Variants in KIAA1217 observed in about 807,000 individuals in gnomAD.
KIAA1217 encodes the protein sickle tail protein homolog.
Under a neutral mutation model 163.9 loss-of-function variants are expected in KIAA1217, and 88 were observed. That is an observed-to-expected ratio of 0.54 (90% CI 0.45 to 0.64). The LOEUF (loss-of-function observed/expected upper bound fraction) is 0.64, where lower values mean the gene tolerates loss of function less well. Among genes scored for constraint, KIAA1217 ranks in the 30% least tolerant of loss-of-function variants. The pLI, the probability that KIAA1217 is intolerant of heterozygous loss-of-function variation, is 0.00. For missense variants in KIAA1217, 2,372 were observed against 2,475.0 expected (o/e 0.96, Z 0.88); for synonymous variants, 903 against 923.1 (o/e 0.98, Z 0.39).
chr10:24,238,778 C>T (rs917880777), intron 2 of KIAA1217, among the ~76,000 whole-genome samples: 2 of 152,154 alleles, frequency 1.3e-5, no homozygotes, highest in Admixed American at 6.5e-5. Context: ...GAGAGAGACA[C>T]GCATGGCCGC....
chr10:23,807,341 C>T (rs563870035), intron 1 of KIAA1217, among the ~76,000 whole-genome samples: 3 of 152,216 alleles, frequency 2.0e-5, no homozygotes, highest in Non-Finnish European at 4.4e-5. Context: ...TCACAGAAAT[C>T]ATTATAAATA....
At position 24,543,751 on chromosome 10, in the gene KIAA1217, A is replaced by G. The variant is rs573485906; in HGVS notation, c.4481A>G (p.Gln1494Arg). The change falls in exon 19 of 21, where the codon CAG becomes CGG. Residue 1494 changes from glutamine to arginine, a missense_variant. By Grantham distance (43) the Gln-to-Arg change is conservative. Coordinates refer to ENST00000376454, the MANE Select transcript of KIAA1217 (RefSeq NM_019590.5). ...EEEENGDSVV[Q>R]NNNTSQMSHK... ...GAGGAAAATGGGGATTCTGTAGTCC[A>G]GAATAATAACACTTCCCAGATGTCT... 1 of 1,613,634 alleles carries G rather than the reference A, an allele frequency of 6.2e-7. No homozygotes were observed. The highest frequency in any genetic ancestry group is 1.1e-5 in the South Asian group (1 of 91,024).
At chr10:24,198,913 G>A (rs2067117450) in intron 2 of KIAA1217, among the ~76,000 whole-genome samples, 1 of 152,090 alleles carries the variant, frequency 6.6e-6, no homozygotes, top group Non-Finnish European at 1.5e-5. Flanking sequence ...GCCTTAGGAG[G>A]CAATGTTCAG....
chr10:23,893,668 C>T (rs1841522538), intron 1 of KIAA1217, among the ~76,000 whole-genome samples: 1 of 151,854 alleles, frequency 6.6e-6, no homozygotes, highest in Admixed American at 6.6e-5. Flanking sequence ...TTTGAAAAGA[C>T]AGGCAGAGAC....
intron 1 of KIAA1217, among the ~76,000 whole-genome samples, chr10:23,854,326 G>A (rs978590446): frequency 2.6e-5 from 4 of 152,132 alleles, no homozygotes; most frequent in African/African-American, 9.7e-5. Flanking sequence ...GAGTGGTTTT[G>A]AGTGAGTTTC....
upstream of KIAA1217, chr10:24,209,136 T>G: frequency 6.4e-7 from 1 of 1,558,556 alleles, no homozygotes; most frequent in East Asian, 2.2e-5. Context: ...CTGGGAGCTT[T>G]TAGAACTGCG....
At chr10:24,079,021 T>C (rs1348446266) in intron 2 of KIAA1217, among the ~76,000 whole-genome samples, 1 of 152,220 alleles carries the variant, frequency 6.6e-6, no homozygotes, top group Non-Finnish European at 1.5e-5. Flanking sequence ...CGTCTTAGCA[T>C]GGCGAGGGAT....
intron 2 of KIAA1217, among the ~76,000 whole-genome samples, chr10:24,056,984 T>C (rs1170349880): frequency 6.6e-6 from 1 of 151,942 alleles, no homozygotes; most frequent in African/African-American, 2.4e-5. Context: ...AAATAGAAGG[T>C]ATACTTTAAA....
Position 24,527,953 on chromosome 10 carries a change from G to A in KIAA1217, c.2916G>A (p.Trp972Ter), listed in dbSNP as rs1454904013. 1 of 1,613,790 alleles carries A rather than the reference G, an allele frequency of 6.2e-7. No individual in the cohort carries two copies. Among genetic ancestry groups the A allele is most frequent in the Non-Finnish European group, 8.5e-7 (1 of 1,179,880 alleles). The stretch of plus-strand genomic sequence containing the variant: ...TCCTCCAGAAAGCAGAAAAGAAATG[G>A]GAGGAAAAAAGGCAAAATCTGGATC... The part of the protein sequence containing the change: ...AVSIEKAEKK[W>*]EEKRQNLDHY... Residue 972 changes from tryptophan to a stop codon, truncating the protein, a stop_gained, in exon 14 of 21, where the codon TGG becomes TGA. Coordinates refer to ENST00000376454, the MANE Select transcript of KIAA1217 (RefSeq NM_019590.5). LOFTEE classifies it high-confidence loss of function.
chr10:24,013,559 A>G (rs1847343291), intron 2 of KIAA1217, among the ~76,000 whole-genome samples: 1 of 152,120 alleles, frequency 6.6e-6, no homozygotes, highest in Non-Finnish European at 1.5e-5. Context: ...GAATAACAGA[A>G]TCAACTGCAT....
intron 1 of KIAA1217, among the ~76,000 whole-genome samples, chr10:23,732,788 C>G (rs775902394): frequency 4.8e-4 from 73 of 152,160 alleles, no homozygotes; most frequent in Non-Finnish European, 7.2e-4. Context: ...AAAGTTTTCT[C>G]TAAGCATTAC....
chr10:23,735,570 G>A (rs191772480), intron 1 of KIAA1217, among the ~76,000 whole-genome samples: 7 of 151,136 alleles, frequency 4.6e-5, no homozygotes, highest in African/African-American at 1.7e-4. Context: ...ATGTTTATTT[G>A]CCATTTTTGG....
chr10:24,318,137 C>G (rs1460400632), intron 2 of KIAA1217, among the ~76,000 whole-genome samples: 3 of 151,928 alleles, frequency 2.0e-5, no homozygotes, highest in Non-Finnish European at 4.4e-5. Flanking sequence ...CAGAACCTGT[C>G]TCTAAATAAT....
intron 2 of KIAA1217, among the ~76,000 whole-genome samples, chr10:24,095,160 G>A (rs990151972): frequency 6.6e-6 from 1 of 152,196 alleles, no homozygotes; most frequent in Non-Finnish European, 1.5e-5. Flanking sequence ...GACCAGGAAA[G>A]GGAACTCCCT....
intron 2 of KIAA1217, among the ~76,000 whole-genome samples, chr10:24,052,732 C>T (rs1250313717): frequency 1.3e-5 from 2 of 152,048 alleles, no homozygotes; most frequent in Admixed American, 6.6e-5. Context: ...TATGTGATTA[C>T]CTTTTTATTT....
chr10:24,371,385 T>C (rs1426881765), intron 2 of KIAA1217, among the ~76,000 whole-genome samples: 7 of 152,220 alleles, frequency 4.6e-5, no homozygotes, highest in African/African-American at 1.7e-4. Flanking sequence ...TCTGGGATCA[T>C]AGAAAATTGC....
At chr10:24,018,067 CTTCTTTCTGCTTTACAGAAGAAATACAAA>C in intron 2 of KIAA1217, among the ~76,000 whole-genome samples, 1 of 152,148 alleles carries the variant, frequency 6.6e-6, no homozygotes, top group South Asian at 2.1e-4. Context: ...AGTATCCCAG[CTTCTTTCTGCTTTACAGAAGAAATACAAA>C]TTCTTTCTGG....
chr10:24,360,561 C>T lies in KIAA1217; in HGVS notation c.355-20308C>T, dbSNP rs949905686. On this transcript the variant is annotated intron_variant, in intron 2 of 20. Transcript: ENST00000376454. Reference sequence around the variant, plus strand: ...TGGTTACATTCAGCCCGAGTTTGAACCAGGGCCATTTGGGGGCATTTGGAG... The same window carrying T: ...TGGTTACATTCAGCCCGAGTTTGAATCAGGGCCATTTGGGGGCATTTGGAG... 5.3e-5 allele frequency among the ~76,000 whole-genome samples: 8 copies of T among 152,170 alleles called. No homozygotes were observed. In the South Asian group the frequency reaches 1.5e-3, roughly 28 times the overall value.
intron 1 of KIAA1217, among the ~76,000 whole-genome samples, chr10:23,708,666 G>T (rs1837042711): frequency 6.6e-6 from 1 of 152,216 alleles, no homozygotes; most frequent in Admixed American, 6.5e-5. Flanking sequence ...GTGAACAGAA[G>T]ATGGTGAGAA....
Sources: allele counts gnomAD v4.1 joint callset (sites outside exome capture counted in the v4.1 genomes callset), GRCh38; gene constraint gnomAD v4.1.1; transcripts MANE v1.5; gene names NCBI Gene and HGNC (gene_info 2026-07-23, HGNC 2026-07-21).